Variants in FRMD4A observed in about 807,000 individuals in gnomAD.
FRMD4A encodes FERM domain-containing protein 4A.
FRMD4A carries 29 observed loss-of-function variants against 129.1 expected under a neutral mutation model. That is an observed-to-expected ratio of 0.22 (90% CI 0.17 to 0.31). The LOEUF is 0.31. FRMD4A is among the 10% of genes least tolerant of loss of function. The pLI is 1.00. For missense variants in FRMD4A, 1,272 were observed against 1,375.8 expected (o/e 0.92, Z 1.19); for synonymous variants, 634 against 571.6 (o/e 1.11, Z -1.56).
At chr10:13,785,351 A>G (rs1310825306) in intron 5 of FRMD4A, among the ~76,000 whole-genome samples, 1 of 152,206 alleles carries the variant, frequency 6.6e-6, no homozygotes, top group Non-Finnish European at 1.5e-5. Context: ...GTAAAGCCTG[A>G]AAATTAATGG....
intron 2 of FRMD4A, among the ~76,000 whole-genome samples, chr10:14,176,600 G>C (rs188592693): frequency 4.7e-5 from 7 of 149,266 alleles, no homozygotes; most frequent in African/African-American, 1.7e-4. Context: ...TCAGCCTCCC[G>C]AGTAGCTGGG....
At chr10:13,940,630 A>T (rs2095284195) in intron 2 of FRMD4A, among the ~76,000 whole-genome samples, 1 of 152,160 alleles carries the variant, frequency 6.6e-6, no homozygotes, top group South Asian at 2.1e-4. Context: ...GCTTCTTCAC[A>T]CAAGGTTAAC....
At chr10:14,268,136 A>T (rs932763869) in intron 2 of FRMD4A, among the ~76,000 whole-genome samples, 3 of 150,144 alleles carry the variant, frequency 2.0e-5, no homozygotes, top group African/African-American at 7.3e-5. Flanking sequence ...AATGAGAACT[A>T]AAAAAATGAG....
chr10:13,756,690 G>A (rs1365050623), intron 8 of FRMD4A, among the ~76,000 whole-genome samples: 1 of 152,156 alleles, frequency 6.6e-6, no homozygotes, highest in Non-Finnish European at 1.5e-5. Context: ...AAGAAAATTT[G>A]CGGCACATTT....
chr10:13,798,071 T>C (rs939140814), intron 4 of FRMD4A, among the ~76,000 whole-genome samples: 5 of 152,120 alleles, frequency 3.3e-5, no homozygotes, highest in Admixed American at 3.3e-4. Context: ...TTCCATTAAC[T>C]TTATCTTTTT....
intron 2 of FRMD4A, among the ~76,000 whole-genome samples, chr10:14,147,327 AG>A (rs1840123014): frequency 6.6e-6 from 1 of 152,084 alleles, no homozygotes; most frequent in Non-Finnish European, 1.5e-5. Context: ...TGCAGGCCAG[AG>A]ATACTGGTAA....
intron 2 of FRMD4A, among the ~76,000 whole-genome samples, chr10:14,197,778 C>T (rs1263292349): frequency 2.0e-5 from 3 of 152,270 alleles, no homozygotes; most frequent in Non-Finnish European, 2.9e-5. Flanking sequence ...TTGCCAACTT[C>T]GCACTAATGC....
chr10:14,138,338 T>A (rs1405474771), intron 2 of FRMD4A, among the ~76,000 whole-genome samples: 1 of 152,206 alleles, frequency 6.6e-6, no homozygotes, highest in Non-Finnish European at 1.5e-5. Context: ...CTACAGCCTC[T>A]TCCTACAAAA....
chr10:13,957,873 T>A (rs567107541), intron 2 of FRMD4A, among the ~76,000 whole-genome samples: 1 of 151,888 alleles, frequency 6.6e-6, no homozygotes, highest in South Asian at 2.1e-4. Context: ...GTTGATTACA[T>A]ACGGCGACTA....
chr10:14,020,768 G>A (rs983500572), intron 2 of FRMD4A, among the ~76,000 whole-genome samples: 6 of 152,152 alleles, frequency 3.9e-5, no homozygotes, highest in Non-Finnish European at 8.8e-5. Flanking sequence ...GGTTGCTGTG[G>A]TTCAGGCAGG....
At chr10:13,838,665 G>A (rs1832703695) in intron 3 of FRMD4A, among the ~76,000 whole-genome samples, 1 of 152,086 alleles carries the variant, frequency 6.6e-6, no homozygotes, top group Admixed American at 6.6e-5. Context: ...GCTAATTGTT[G>A]TATTTTTAGT....
intron 3 of FRMD4A, among the ~76,000 whole-genome samples, chr10:13,828,549 TGAGACGGAGTTTCACTC>T (rs2093739738): frequency 6.6e-6 from 1 of 151,258 alleles, no homozygotes. Context: ...TTTTTTTTTT[TGAGACGGAGTTTCACTC>T]TTGTTGCCCA....
chr10:13,749,437 GGGA>G (rs2091457894), intron 8 of FRMD4A, among the ~76,000 whole-genome samples: 1 of 152,124 alleles, frequency 6.6e-6, no homozygotes, highest in South Asian at 2.1e-4. Context: ...AGCCATAGAG[GGGA>G]GTTCCTCAGG....
At chr10:14,010,664 C>T (rs1338214056) in intron 2 of FRMD4A, among the ~76,000 whole-genome samples, 139 of 76,394 alleles carry the variant, frequency 1.8e-3, no homozygotes, top group East Asian at 3.2e-3. Context: ...GAGTTTAGGT[C>T]TTTTTTTTTT....
intron 23 of FRMD4A, chr10:13,654,065 T>C: frequency 2.2e-6 from 1 of 448,860 alleles, no homozygotes; most frequent in East Asian, 3.7e-5. Context: ...CCCCCTGACA[T>C]TCTTGCCTGG....
chr10:13,760,661 T>C (rs756134274), intron 8 of FRMD4A, among the ~76,000 whole-genome samples: 1 of 152,220 alleles, frequency 6.6e-6, no homozygotes, highest in Non-Finnish European at 1.5e-5. Flanking sequence ...TAGTTTTTGC[T>C]GCATTTACAG....
chr10:13,667,630 G>C (rs912795064), intron 17 of FRMD4A: 1 of 152,286 alleles, frequency 6.6e-6, no homozygotes, highest in African/African-American at 2.4e-5. Context: ...GCATGTGTGC[G>C]TGAGGATTTG....
intron 2 of FRMD4A, among the ~76,000 whole-genome samples, chr10:14,268,923 G>A (rs2132043595): frequency 6.6e-6 from 1 of 152,292 alleles, no homozygotes; most frequent in South Asian, 2.1e-4. Flanking sequence ...CATATTTAAA[G>A]CAACAATTGG....
intron 2 of FRMD4A, among the ~76,000 whole-genome samples, chr10:14,105,246 A>AC (rs1837526989): frequency 6.6e-6 from 1 of 152,130 alleles, no homozygotes; most frequent in Non-Finnish European, 1.5e-5. Flanking sequence ...TAAGCTTGAA[A>AC]ACAATAAGTT....
Sources: gnomAD v4.1 joint callset for allele counts (sites outside exome capture counted in the v4.1 genomes callset) on GRCh38, gnomAD v4.1.1 for gene constraint, MANE v1.5 for transcripts, NCBI Gene and HGNC (gene_info 2026-07-23, HGNC 2026-07-21) for gene names.